ATP8A2: variants seen among roughly 807,000 people sequenced by gnomAD.
The protein encoded by ATP8A2 is ATPase phospholipid transporting 8A2.
In ATP8A2, 100 loss-of-function variants were observed where a neutral mutation model predicts 165.6. The ratio of observed to expected loss-of-function variants is 0.60; its 90% CI spans 0.51 to 0.71. The LOEUF (loss-of-function observed/expected upper bound fraction) is 0.71. ATP8A2 is among the 30% of genes least tolerant of loss of function. The pLI, the probability that ATP8A2 is intolerant of heterozygous loss-of-function variation, is 0.00. For missense variants in ATP8A2, 1,227 were observed against 1,479.5 expected (o/e 0.83, Z 2.80); for synonymous variants, 543 against 548.8 (o/e 0.99, Z 0.15).
intron 10 of ATP8A2, among the ~76,000 whole-genome samples, chr13:25,549,444 G>A (rs960615172): frequency 1.5e-4 from 22 of 149,104 alleles, no homozygotes; most frequent in African/African-American, 5.2e-4. Context: ...TGGGCAACAC[G>A]GTGAGACTCT....
chr13:25,897,452 G>T (rs1566249036), intron 33 of ATP8A2, among the ~76,000 whole-genome samples: 2 of 150,550 alleles, frequency 1.3e-5, no homozygotes, highest in Admixed American at 1.3e-4. Context: ...CTTTCTCTCT[G>T]GCTGCCCTTA....
At chr13:25,534,614 T>C (rs1016004250) in intron 6 of ATP8A2, among the ~76,000 whole-genome samples, 2 of 152,240 alleles carry the variant, frequency 1.3e-5, no homozygotes, top group Non-Finnish European at 2.9e-5. Context: ...ATCGTTCATT[T>C]GGGAGAAAAA....
chr13:25,478,052 A>G (rs1414974628), intron 2 of ATP8A2, among the ~76,000 whole-genome samples: 1 of 152,200 alleles, frequency 6.6e-6, no homozygotes, highest in Non-Finnish European at 1.5e-5. Flanking sequence ...ACTTTAGTAA[A>G]TGTTTGGATC....
At chr13:25,769,297 G>T in intron 26 of ATP8A2, 68 bp downstream of exon 26, 1 of 1,497,474 alleles carries the variant, frequency 6.7e-7, no homozygotes, top group South Asian at 1.3e-5. Context: ...AGGACCTGGC[G>T]TTTAACCTTC....
intron 30 of ATP8A2, among the ~76,000 whole-genome samples, chr13:25,854,318 C>G (rs1047126507): frequency 1.3e-5 from 2 of 152,108 alleles, no homozygotes; most frequent in African/African-American, 2.4e-5. Context: ...ACATCCAAAT[C>G]ATAAGAAAAT....
At chr13:25,799,514 C>T (rs1332239940) in intron 27 of ATP8A2, among the ~76,000 whole-genome samples, 3 of 152,180 alleles carry the variant, frequency 2.0e-5, no homozygotes, top group Non-Finnish European at 4.4e-5. Context: ...TTCCCAGACA[C>T]GGAATCATTG....
At chr13:25,451,468 T>G (rs937791798) in intron 1 of ATP8A2, among the ~76,000 whole-genome samples, 1 of 152,176 alleles carries the variant, frequency 6.6e-6, no homozygotes, top group Non-Finnish European at 1.5e-5. Context: ...CTATCCCTTT[T>G]CCTGTTGTCT....
chr13:25,579,879 C>G lies in ATP8A2; in HGVS notation c.1939C>G (p.Gln647Glu). Residue 647 changes from glutamine (Q) to glutamate (E), a missense_variant, in exon 22 of 37, where the codon CAG (glutamine) becomes GAG (glutamate). By Grantham distance (29) the Gln-to-Glu change is conservative (BLOSUM62 2). Transcript: ENST00000381655. ...NEYEEWLKVY[Q>E]EASTILKDRA... Reference sequence around the variant, plus strand: ...GTATGAGGAGTGGCTGAAAGTCTATCAGGAAGCCAGCACCATATTGAAGGA... The same window carrying G: ...GTATGAGGAGTGGCTGAAAGTCTATGAGGAAGCCAGCACCATATTGAAGGA... The G allele has an allele frequency of 6.2e-7, 1 of 1,614,026 alleles. No individual in the cohort carries two copies. The highest frequency in any genetic ancestry group is 8.5e-7 in the Non-Finnish European group (1 of 1,179,992).
rs577337763 is a variant in ATP8A2, at chr13:25,466,640, A to G, written c.77-2337A>G. On this transcript the variant is annotated intron_variant, in intron 1 of 36. Coordinates refer to ENST00000381655, the MANE Select transcript of ATP8A2 (RefSeq NM_016529.6). Reference sequence around the variant, plus strand: ...GACTGGGTGCTCATCAGCATCACTTAGTGATCTTTAGAAGCAAAACACAGT... The same window carrying G: ...GACTGGGTGCTCATCAGCATCACTTGGTGATCTTTAGAAGCAAAACACAGT... 1.3e-3 allele frequency among the ~76,000 whole-genome samples: 193 copies of G among 152,316 alleles called. 2 individuals carry two copies. The highest frequency in any genetic ancestry group is 3.0e-3 in the Admixed American group (46 of 15,306).
chr13:25,559,537 A>G (rs2039080439), intron 14 of ATP8A2, among the ~76,000 whole-genome samples, 184 bp from the exon 15 acceptor site: 1 of 152,212 alleles, frequency 6.6e-6, no homozygotes, highest in Admixed American at 6.5e-5. Context: ...GTCTCAAAAC[A>G]AAAACAAAAA....
At chr13:26,017,577 C>T (rs1957006996) in intron 36 of ATP8A2, among the ~76,000 whole-genome samples, 1 of 152,228 alleles carries the variant, frequency 6.6e-6, no homozygotes, top group African/African-American at 2.4e-5. Context: ...CGGAGGTTTC[C>T]TTGTCCCTGC....
chr13:25,513,882 G>T (rs2037371412), intron 2 of ATP8A2, among the ~76,000 whole-genome samples: 1 of 151,960 alleles, frequency 6.6e-6, no homozygotes, highest in South Asian at 2.1e-4. Context: ...AGTCAAGGAG[G>T]TTGCAGTGAG....
chr13:25,630,306 T>C (rs1257184319), intron 24 of ATP8A2, among the ~76,000 whole-genome samples: 2 of 152,174 alleles, frequency 1.3e-5, no homozygotes, highest in Admixed American at 6.6e-5. Context: ...CACAGACCCA[T>C]TCGTGAAAAG....
chr13:25,921,174 G>T (rs570915034), intron 33 of ATP8A2, among the ~76,000 whole-genome samples: 8 of 152,114 alleles, frequency 5.3e-5, no homozygotes, highest in Non-Finnish European at 8.8e-5. Context: ...CTCCCATTGC[G>T]TTGTAAAAGC....
At chr13:25,582,906 C>A (rs1485629914) in intron 23 of ATP8A2, among the ~76,000 whole-genome samples, 6 of 152,156 alleles carry the variant, frequency 3.9e-5, no homozygotes, top group Non-Finnish European at 7.4e-5. Flanking sequence ...GTAATCATTT[C>A]TTGTCAGGGA....
intron 16 of ATP8A2, among the ~76,000 whole-genome samples, chr13:25,569,073 T>C (rs543313259): frequency 7.5e-4 from 115 of 152,318 alleles, no homozygotes; most frequent in Non-Finnish European, 6.8e-4. Flanking sequence ...TCTAAGACAC[T>C]TTTTATGTTG....
chr13:25,595,017 C>CGTATAT (rs1454686466), intron 24 of ATP8A2, among the ~76,000 whole-genome samples: 1 of 138,654 alleles, frequency 7.2e-6, no homozygotes, highest in African/African-American at 2.8e-5. Flanking sequence ...TGTATGTATG[C>CGTATAT]GTATATGTAT....
intron 24 of ATP8A2, among the ~76,000 whole-genome samples, chr13:25,688,190 A>T (rs967677834): frequency 5.9e-5 from 9 of 152,224 alleles, no homozygotes; most frequent in Middle Eastern, 6.8e-3. Context: ...TGTGCACATT[A>T]TAGGCCTTTC....
intron 33 of ATP8A2, among the ~76,000 whole-genome samples, chr13:25,946,186 C>T (rs374150966): frequency 1.2e-4 from 18 of 152,242 alleles, no homozygotes; most frequent in East Asian, 3.9e-4. Context: ...TCCTCACTCC[C>T]GATTCACCAC....
Sources: allele counts gnomAD v4.1 joint callset (sites outside exome capture counted in the v4.1 genomes callset), GRCh38; gene constraint gnomAD v4.1.1; transcripts MANE v1.5; gene names NCBI Gene and HGNC (gene_info 2026-07-23, HGNC 2026-07-21).